ROR1: variants seen among roughly 807,000 people sequenced by gnomAD.
ROR1 encodes the protein inactive tyrosine-protein kinase transmembrane receptor ROR1.
In ROR1, 19 loss-of-function variants were observed where a neutral mutation model predicts 78.8. That is an observed-to-expected ratio of 0.24 (90% CI 0.17 to 0.35). ROR1 has a LOEUF of 0.35. Ranked by LOEUF, ROR1 falls within the 10% of genes least tolerant of loss-of-function variation. The probability of loss-of-function intolerance (pLI) is 1.00; values close to 1 mark genes in which losing one functional copy is unlikely to be tolerated. For missense variants in ROR1, 917 were observed against 1,177.8 expected, an observed-to-expected ratio of 0.78 and a Z score of 3.24; for synonymous variants, 386 against 433.6, an observed-to-expected ratio of 0.89 and a Z score of 1.36.
At chr1:63,996,838 G>A (rs1646340757) in intron 1 of ROR1, among the ~76,000 whole-genome samples, 1 of 152,110 alleles carries the variant, frequency 6.6e-6, no homozygotes, top group Admixed American at 6.6e-5. Context: ...GCCAGGATTG[G>A]GTGAGGAGAG....
chr1:64,089,781 C>T (rs7533960), intron 4 of ROR1, among the ~76,000 whole-genome samples: 47,822 of 152,016 alleles, frequency 0.31, 8,483 homozygotes, highest in African/African-American at 0.48. Flanking sequence ...GAAGATGATA[C>T]GGTTTGGTTG....
intron 1 of ROR1, among the ~76,000 whole-genome samples, chr1:63,954,964 A>T (rs57576771): frequency 0.023 from 3,513 of 152,288 alleles, 146 homozygotes; most frequent in African/African-American, 0.08. Context: ...CAAGTAGGCA[A>T]AATGGGATGG....
chr1:63,811,314 G>A (rs970350480), intron 1 of ROR1, among the ~76,000 whole-genome samples: 5 of 152,190 alleles, frequency 3.3e-5, no homozygotes, highest in Admixed American at 3.3e-4. Flanking sequence ...GCCTGTGCTG[G>A]ACAGCCCCTG....
chr1:63,949,990 A>T (rs776044885), intron 1 of ROR1, among the ~76,000 whole-genome samples: 3 of 152,080 alleles, frequency 2.0e-5, no homozygotes, highest in South Asian at 2.1e-4. Flanking sequence ...TTCCTTTCTC[A>T]TCCAAATCTG....
chr1:63,849,771 C>G (rs573374467), intron 1 of ROR1, among the ~76,000 whole-genome samples: 1 of 152,182 alleles, frequency 6.6e-6, no homozygotes, highest in South Asian at 2.1e-4. Context: ...ATCTCAGATT[C>G]CTGGATATCT....
intron 7 of ROR1, among the ~76,000 whole-genome samples, chr1:64,153,944 A>G (rs1649700066): frequency 6.6e-6 from 1 of 152,186 alleles, no homozygotes; most frequent in African/African-American, 2.4e-5. Context: ...AGATTAGCCC[A>G]ATTCTTTTAT....
At chr1:64,044,972 A>G (rs561538584) in intron 2 of ROR1, among the ~76,000 whole-genome samples, 2 of 152,200 alleles carry the variant, frequency 1.3e-5, no homozygotes, top group Non-Finnish European at 2.9e-5. Context: ...GTAACTCAGT[A>G]AACCAGTGTT....
intron 1 of ROR1, among the ~76,000 whole-genome samples, chr1:64,006,620 T>C (rs1486264095): frequency 6.6e-6 from 1 of 152,214 alleles, no homozygotes; most frequent in Non-Finnish European, 1.5e-5. Context: ...ATTTTCTTTT[T>C]GTTTTCATAT....
intron 1 of ROR1, among the ~76,000 whole-genome samples, chr1:63,800,525 G>A (rs964251171): frequency 6.6e-6 from 1 of 152,092 alleles, no homozygotes; most frequent in Non-Finnish European, 1.5e-5. Flanking sequence ...TAGGAGCTGG[G>A]GAGGCAGAAA....
At chr1:63,930,116 G>GC (rs1254251778) in intron 1 of ROR1, among the ~76,000 whole-genome samples, 2 of 151,994 alleles carry the variant, frequency 1.3e-5, no homozygotes, top group African/African-American at 2.4e-5. Flanking sequence ...CCCTCCTCTA[G>GC]CCCCCCACCC....
At chr1:64,072,330 C>T (rs1647010674) in intron 4 of ROR1, among the ~76,000 whole-genome samples, 1 of 152,082 alleles carries the variant, frequency 6.6e-6, no homozygotes, top group Non-Finnish European at 1.5e-5. Flanking sequence ...AAATGGCCCT[C>T]AGAGCCTCTT....
chr1:63,965,254 C>T (rs1646064110), intron 1 of ROR1, among the ~76,000 whole-genome samples: 2 of 152,178 alleles, frequency 1.3e-5, no homozygotes, highest in South Asian at 4.1e-4. Flanking sequence ...CCACACTAAA[C>T]TGGCCCGCCT....
intron 1 of ROR1, among the ~76,000 whole-genome samples, chr1:63,798,271 C>T (rs1043644725): frequency 6.6e-6 from 1 of 152,152 alleles, no homozygotes; most frequent in Non-Finnish European, 1.5e-5. Context: ...ATTTGACGCT[C>T]TGCAGGGAAA....
intron 1 of ROR1, among the ~76,000 whole-genome samples, chr1:63,963,368 T>C (rs1646047544): frequency 1.3e-5 from 2 of 151,746 alleles, no homozygotes; most frequent in Admixed American, 1.3e-4. Context: ...GGGAGTTTGA[T>C]ACCAGCCTGA....
intron 1 of ROR1, among the ~76,000 whole-genome samples, chr1:63,918,445 T>C (rs1359462993): frequency 1.3e-5 from 2 of 152,174 alleles, no homozygotes; most frequent in Non-Finnish European, 2.9e-5. Flanking sequence ...CCCTTTGCTT[T>C]TTAAACCACT....
chr1:63,839,248 A>G (rs1251967491), intron 1 of ROR1, among the ~76,000 whole-genome samples: 1 of 152,222 alleles, frequency 6.6e-6, no homozygotes, highest in Non-Finnish European at 1.5e-5. Flanking sequence ...GTTTAAAGAA[A>G]GAGACAGCTG....
chr1:63,927,867 T>C (rs855859), intron 1 of ROR1, among the ~76,000 whole-genome samples: 106,112 of 151,906 alleles, frequency 0.7, 39,554 homozygotes, highest in East Asian at 0.94. Flanking sequence ...TAAAATTTGG[T>C]TGATGCTCTT....
intron 4 of ROR1, chr1:64,111,117 G>A (rs939927455): frequency 6.6e-6 from 1 of 152,094 alleles, no homozygotes; most frequent in African/African-American, 2.4e-5. Context: ...CTTACCAGCA[G>A]CATTCTTATG....
At chr1:63,970,213 C>T (rs536480497) in intron 1 of ROR1, among the ~76,000 whole-genome samples, 2 of 152,196 alleles carry the variant, frequency 1.3e-5, no homozygotes, top group South Asian at 4.2e-4. Context: ...TTCCTGTTGC[C>T]ATAGACCCTG....
Sources: gnomAD v4.1 joint callset for allele counts (sites outside exome capture counted in the v4.1 genomes callset) on GRCh38, gnomAD v4.1.1 for gene constraint, MANE v1.5 for transcripts, NCBI Gene and HGNC (gene_info 2026-07-23, HGNC 2026-07-21) for gene names.